UBE4B: variants seen among roughly 807,000 people sequenced by gnomAD.
UBE4B encodes ubiquitin conjugation factor E4 B.
UBE4B carries 27 observed loss-of-function variants against 148.1 expected under a neutral mutation model. The ratio of observed to expected loss-of-function variants is 0.18; its 90% CI spans 0.13 to 0.25. The LOEUF (loss-of-function observed/expected upper bound fraction) is 0.25, where lower values mean the gene tolerates loss of function less well. UBE4B is among the 10% of genes least tolerant of loss of function. The pLI is 1.00. For missense variants in UBE4B, 1,170 were observed against 1,662.4 expected (o/e 0.70, Z 5.15); for synonymous variants, 596 against 619.3 (o/e 0.96, Z 0.56).
At chr1:10,112,244 C>G (rs1471752586) in intron 7 of UBE4B, among the ~76,000 whole-genome samples, 1 of 152,148 alleles carries the variant, frequency 6.6e-6, no homozygotes, top group Non-Finnish European at 1.5e-5. Context: ...CATATTCTCC[C>G]AGAGGGAGGT....
In UBE4B at chr1:10,161,999, C is replaced by CTTTTTTTTTTTTTTTTTTTTTTT; in HGVS notation, c.3198+729_3198+730insTTTTTTTTTTTTTTTTTTTTTTT. ...GGGGACTGCTTTTTCTTCACTTTTT[C>CTTTTTTTTTTTTTTTTTTTTTTT]TTTTTTTTTTTTTTTTGAGACGGAG... On this transcript the variant is annotated intron_variant, in intron 23 of 27. Coordinates refer to ENST00000343090, the MANE Select transcript of UBE4B (RefSeq NM_001105562.3). This position sits in a 1 kb window ranked among gnomAD's most constrained non-coding sequence, Gnocchi z 4.1. Among the ~76,000 whole-genome samples, 1 of 137,256 alleles carries CTTTTTTTTTTTTTTTTTTTTTTT rather than the reference C, an allele frequency of 7.3e-6. No individual in the cohort carries two copies. The highest frequency in any genetic ancestry group is 2.7e-5 in the African/African-American group (1 of 37,496). 90.0% of individuals were successfully genotyped at this position (137,256 alleles called of 152,430 possible). A position where few individuals can be genotyped will look rare whatever the true frequency, so the allele number is the denominator to read the frequency against.
chr1:10,175,474 AC>A (rs1242995202), intron 25 of UBE4B, among the ~76,000 whole-genome samples: 7 of 148,946 alleles, frequency 4.7e-5, no homozygotes, highest in African/African-American at 1.0e-4. Flanking sequence ...ACACGGTGAA[AC>A]CCCATCTCTA....
chr1:10,155,082 A>T (rs896114152), intron 21 of UBE4B, among the ~76,000 whole-genome samples: 10 of 147,492 alleles, frequency 6.8e-5, no homozygotes, highest in African/African-American at 2.6e-4. Context: ...AGAGAGAGAG[A>T]GAGTGTGTGT....
Position 10,119,606 on chromosome 1 carries a change from C to G in UBE4B, c.1432C>G (p.Gln478Glu), listed in dbSNP as rs771856770. 1.9e-6 allele frequency: 3 copies of G among 1,612,874 alleles called. No homozygotes were observed. The highest frequency in any genetic ancestry group is 2.5e-6 in the Non-Finnish European group (3 of 1,179,158). Residue 478 changes from glutamine (Q) to glutamate (E), a missense_variant, in exon 9 of 28, where the codon CAG (glutamine) becomes GAG (glutamate). Gln to Glu is a conservative substitution (Grantham distance 29, BLOSUM62 2). Around this residue, in one of 6 missense-constraint regions of UBE4B, gnomAD observed 388 missense variants for 536.0 expected, o/e 0.72. Transcript: ENST00000343090. Reference sequence around the variant, plus strand: ...TTTAGTACTACAAGGCTCCCTAACACAGCCCAGGTATGAAGACCCGTGACG... The same window carrying G: ...TTTAGTACTACAAGGCTCCCTAACAGAGCCCAGGTATGAAGACCCGTGACG... ...TALVLQGSLT[Q>E]PRSLQQPSFL...
At chr1:10,066,925 A>C (rs539391372) in intron 1 of UBE4B, among the ~76,000 whole-genome samples, 1 of 152,052 alleles carries the variant, frequency 6.6e-6, no homozygotes, top group Non-Finnish European at 1.5e-5. Context: ...CCAAAACAGA[A>C]CTAGGAGTTA....
At chr1:10,035,394 T>TTG (rs1643472476) in intron 1 of UBE4B, among the ~76,000 whole-genome samples, 1 of 132,222 alleles carries the variant, frequency 7.6e-6, no homozygotes, top group African/African-American at 2.9e-5. Flanking sequence ...ATACTGTTTT[T>TTG]TTTTTTTTTT....
At chr1:10,151,270 G>T in intron 20 of UBE4B, 56 bp from the exon 21 acceptor site, 1 of 1,542,058 alleles carries the variant, frequency 6.5e-7, no homozygotes, top group Non-Finnish European at 8.9e-7. Context: ...CACCCAAGAT[G>T]AGTTTCTCAG....
chr1:10,160,100 T>G (rs1449986093), intron 22 of UBE4B, among the ~76,000 whole-genome samples: 1 of 152,218 alleles, frequency 6.6e-6, no homozygotes, highest in African/African-American at 2.4e-5. Flanking sequence ...TTTTTTTCTC[T>G]ACGAATCTGG....
intron 4 of UBE4B, among the ~76,000 whole-genome samples, chr1:10,101,540 G>A (rs1187154540): frequency 5.9e-4 from 66 of 112,488 alleles, no homozygotes; most frequent in African/African-American, 2.2e-3. Context: ...ACAGAGTCTC[G>A]CTCTGTCGCC....
intron 7 of UBE4B, among the ~76,000 whole-genome samples, chr1:10,113,832 C>T (rs374345595): frequency 6.6e-6 from 1 of 151,924 alleles, no homozygotes; most frequent in Non-Finnish European, 1.5e-5. Context: ...TTTGGGAGGC[C>T]GAAATGGGTA....
chr1:10,111,471 A>G (rs1192943561), intron 7 of UBE4B, among the ~76,000 whole-genome samples: 1 of 151,878 alleles, frequency 6.6e-6, no homozygotes, highest in Non-Finnish European at 1.5e-5. Flanking sequence ...GTGGCCACTG[A>G]CCTCATTGTC....
chr1:10,069,766 C>G (rs1456461920), intron 1 of UBE4B, among the ~76,000 whole-genome samples: 2 of 152,100 alleles, frequency 1.3e-5, no homozygotes, highest in African/African-American at 4.8e-5. Context: ...AACTCCAGAC[C>G]TCAAATGATC....
intron 1 of UBE4B, among the ~76,000 whole-genome samples, chr1:10,065,714 T>A (rs960823572): frequency 6.6e-5 from 10 of 152,168 alleles, no homozygotes; most frequent in Admixed American, 6.5e-5. Context: ...CCACGGTAGA[T>A]GTAGTGGGAA....
intron 1 of UBE4B, among the ~76,000 whole-genome samples, chr1:10,035,781 T>C (rs1220785747): frequency 2.7e-5 from 4 of 149,422 alleles, no homozygotes; most frequent in East Asian, 2.0e-4. Flanking sequence ...CTCGCTCTGT[T>C]GCCCAGGCTA....
chr1:10,080,852 T>G (rs1644666673), intron 2 of UBE4B, among the ~76,000 whole-genome samples: 1 of 152,052 alleles, frequency 6.6e-6, no homozygotes, highest in South Asian at 2.1e-4. Flanking sequence ...CGTGGGAGCT[T>G]AAAAAGTTGA....
intron 7 of UBE4B, among the ~76,000 whole-genome samples, chr1:10,110,912 T>C (rs781535145): frequency 3.5e-4 from 53 of 151,954 alleles, no homozygotes; most frequent in Non-Finnish European, 1.9e-4. Context: ...GGGAGGCTTG[T>C]CTGAGCCCAC....
At chr1:10,148,756 A>G (rs527806916) in intron 19 of UBE4B, among the ~76,000 whole-genome samples, 10 of 151,396 alleles carry the variant, frequency 6.6e-5, no homozygotes, top group South Asian at 2.1e-4. Flanking sequence ...CCTGGCCAAC[A>G]TGGTGAAACC....
At chr1:10,066,319 G>A (rs542509128) in intron 1 of UBE4B, among the ~76,000 whole-genome samples, 2 of 151,778 alleles carry the variant, frequency 1.3e-5, no homozygotes, top group Admixed American at 1.3e-4. Flanking sequence ...GGGGGGGAGG[G>A]GGTCTTGCCA....
chr1:10,086,530 G>C (rs1644769378), intron 2 of UBE4B, among the ~76,000 whole-genome samples: 1 of 152,154 alleles, frequency 6.6e-6, no homozygotes, highest in Non-Finnish European at 1.5e-5. Context: ...ACAAGAGTTA[G>C]GTGGATTATA....
Sources: allele counts gnomAD v4.1 joint callset (sites outside exome capture counted in the v4.1 genomes callset), GRCh38; gene constraint gnomAD v4.1.1; regional missense constraint gnomAD v4.1.1; non-coding constraint Gnocchi (gnomAD v3.1); transcripts MANE v1.5; gene names NCBI Gene and HGNC (gene_info 2026-07-23, HGNC 2026-07-21).